Variants in PLEC observed in about 807,000 individuals in gnomAD.
The protein encoded by PLEC is hemidesmosomal protein 1.
PLEC carries 216 observed loss-of-function variants against 392.8 expected under a neutral mutation model. That is an observed-to-expected ratio of 0.55 (90% CI 0.49 to 0.62). The LOEUF is 0.62. Among genes scored for constraint, PLEC ranks in the 20% least tolerant of loss-of-function variants. The pLI is 0.00. For missense variants in PLEC, 6,863 were observed against 6,563.4 expected, an observed-to-expected ratio of 1.05 and a Z score of -1.58; for synonymous variants, 3,621 against 2,980.6, an observed-to-expected ratio of 1.21 and a Z score of -7.00.
In PLEC at chr8:143,925,320, C is replaced by T. The variant is rs1824652323; in HGVS notation, c.4609G>A (p.Ala1537Thr). 4 of 1,563,406 alleles carry T rather than the reference C, an allele frequency of 2.6e-6. No homozygotes were observed. The highest frequency in any genetic ancestry group is 3.4e-6 in the Non-Finnish European group (4 of 1,162,870). The change falls in exon 31 of 32, where the codon GCC becomes ACC. Residue 1537 changes from alanine to threonine, a missense_variant. Coordinates refer to ENST00000345136, the MANE Select transcript of PLEC (RefSeq NM_201384.3). ...AAREKQRALQ[A>T]LEELRLQAEE... Reference sequence around the variant, plus strand: ...GCCTGCAGCCGCAGCTCCTCCAGGGCCTGCAGGGCCCGCTGCTTCTCGCGC... The same window carrying T: ...GCCTGCAGCCGCAGCTCCTCCAGGGTCTGCAGGGCCCGCTGCTTCTCGCGC...
rs377361427 is a variant in PLEC, at chr8:143,933,054, C to T, written c.1476G>A (p.Leu492=). The T allele has an allele frequency of 1.9e-6, 3 of 1,593,216 alleles. No homozygotes were observed. The highest frequency in any genetic ancestry group is 2.6e-6 in the Non-Finnish European group (3 of 1,171,402). The stretch of plus-strand genomic sequence containing the variant: ...TTGCAGGGGCCGCCACGCCTGCCTT[C>T]AGCCGTAGGTTGTACTCGGTGCGGA... The part of the protein sequence containing the change: ...VAIRTEYNLR[L]KAGVAAPATQ... Residue 492 remains leucine, a synonymous_variant, in exon 14 of 32, where the codon CTG becomes CTA. Coordinates refer to ENST00000345136, the MANE Select transcript of PLEC (RefSeq NM_201384.3).
rs1000466907 is a variant in PLEC at position 143,969,238 on chromosome 8, C to T, written c.70+4165G>A. Among the ~76,000 whole-genome samples the T allele has an allele frequency of 6.6e-6, 1 of 152,204 alleles. No individual in the cohort carries two copies. Among genetic ancestry groups the T allele is most frequent in the Non-Finnish European group, 1.5e-5 (1 of 68,034 alleles). ...CAGCCCTGACAGCGTCCCGGCAAGTCGAAGAGGCCAGACCCAGGGCCAGTA... is the reference window on the plus strand; with the variant it reads ...CAGCCCTGACAGCGTCCCGGCAAGTTGAAGAGGCCAGACCCAGGGCCAGTA... On this transcript the variant is annotated intron_variant, in intron 1 of 31. Coordinates refer to the PLEC transcript ENST00000356346. The surrounding 1 kb of genome is among the most constrained non-coding windows in gnomAD (Gnocchi z 5.1).
chr8:143,920,385 G>T lies in PLEC; in HGVS notation c.9436C>A (p.Pro3146Thr), dbSNP rs1321341440. The T allele has an allele frequency of 2.6e-5, 41 of 1,591,536 alleles. No homozygotes were observed. The highest frequency in any genetic ancestry group is 3.4e-5 in the Admixed American group (2 of 58,560). Residue 3146 changes from proline (P) to threonine (T), a missense_variant, in exon 32 of 32, where the codon CCC (proline) becomes ACC (threonine). Physicochemically the swap from Pro to Thr is conservative, Grantham distance 38 (BLOSUM62 -1). Coordinates refer to ENST00000345136, the MANE Select transcript of PLEC (RefSeq NM_201384.3). ...AGGGGCACGCGGTGGCTCTTGCTGG[G>T]GTCCACGATGCCGCCCGTGGACAGC... ...AQLSTGGIVD[P>T]SKSHRVPLDV...
rs1554699481 is a variant in PLEC, at chr8:143,924,883, C to T, written c.5046G>A (p.Gln1682=). The change falls in exon 31 of 32, where the codon CAG becomes CAA. Residue 1682 remains glutamine (Q), a synonymous_variant. Transcript: ENST00000345136. Reference sequence around the variant, plus strand: ...CAGCCAGCTCCCGCTGCCGGACGGCCTGCTCCTCCGCCTTGCCGCGCCGCC... The same window carrying T: ...CAGCCAGCTCCCGCTGCCGGACGGCTTGCTCCTCCGCCTTGCCGCGCCGCC... ...EARRRGKAEE[Q]AVRQRELAEQ... 1.3e-6 allele frequency: 2 copies of T among 1,589,550 alleles called. No individual in the cohort carries two copies. Among genetic ancestry groups the T allele is most frequent in the Non-Finnish European group, 1.7e-6 (2 of 1,175,480 alleles).
chr8:143,924,549 C>T lies in PLEC; in HGVS notation c.5380G>A (p.Gly1794Ser), dbSNP rs782240621. ...KSKQRLEAEA[G>S]RFRELAEEAA... ...TCCTCGGCCAGCTCGCGGAACCGGC[C>T]GGCCTCGGCCTCCAGCCTCTGCTTG... The change falls in exon 31 of 32, where the codon GGC becomes AGC. Residue 1794 changes from glycine to serine, a missense_variant. Physicochemically the swap from Gly to Ser is moderately conservative, Grantham distance 56. Transcript: ENST00000345136. 77 of 1,542,282 alleles carry T rather than the reference C, an allele frequency of 5.0e-5. No homozygotes were observed. Among genetic ancestry groups the T allele is most frequent in the South Asian group, 2.0e-4 (17 of 85,044 alleles).
Position 143,919,950 on chromosome 8 carries a change from T to C in PLEC, c.9871A>G (p.Ile3291Val), listed in dbSNP as rs1821975161. 36 of 1,613,340 alleles carry C rather than the reference T, an allele frequency of 2.2e-5. No individual in the cohort carries two copies. Among genetic ancestry groups the C allele is most frequent in the Non-Finnish European group, 3.1e-5 (36 of 1,180,008 alleles). Residue 3291 changes from isoleucine (I) to valine (V), a missense_variant, in exon 32 of 32, where the codon ATC becomes GTC. By Grantham distance (29) the Ile-to-Val change is conservative. Transcript: ENST00000345136. ...CGCAGGGTCTCCACCTCCTCCACGA[T>C]GGTAATGAGAATCTTGATGACCTTC... ...VEKVIKILIT[I>V]VEEVETLRQE...
intron 5 of PLEC, among the ~76,000 whole-genome samples, 178 bp from the exon 6 acceptor site, chr8:143,936,192 A>T (rs1829008113): frequency 6.6e-6 from 1 of 152,026 alleles, no homozygotes; most frequent in Non-Finnish European, 1.5e-5. Flanking sequence ...AGCTGCTGGG[A>T]CTGGCCATGC....
At position 143,932,672 on chromosome 8, in the gene PLEC, C is replaced by A; in HGVS notation, c.1778G>T (p.Cys593Phe). 1 of 1,610,548 alleles carries A rather than the reference C, an allele frequency of 6.2e-7. No individual in the cohort carries two copies. The highest frequency in any genetic ancestry group is 8.5e-7 in the Non-Finnish European group (1 of 1,179,034). Residue 593 changes from cysteine (C) to phenylalanine (F), a missense_variant, in exon 15 of 32, where the codon TGC (cysteine) becomes TTC (phenylalanine). Physicochemically the swap from Cys to Phe is radical, Grantham distance 205 (BLOSUM62 -2). Transcript: ENST00000345136. Reference protein sequence around the residue: ...SPATRGAYRDCLGRLDLQYAK... With the variant: ...SPATRGAYRDFLGRLDLQYAK... Reference sequence around the variant, plus strand: ...GTACTGCAGGTCCAGCCGACCCAGGCAGTCACGGTAGGCACCCCGGGTGGC... The same window carrying A: ...GTACTGCAGGTCCAGCCGACCCAGGAAGTCACGGTAGGCACCCCGGGTGGC...
chr8:143,918,914 C>A lies in PLEC; in HGVS notation c.10907G>T (p.Gly3636Val), dbSNP rs782517278. Residue 3636 changes from glycine (G) to valine (V), a missense_variant, in exon 32 of 32, where the codon GGT (glycine) becomes GTT (valine). Physicochemically the swap from Gly to Val is moderately radical, Grantham distance 109. Transcript: ENST00000345136. ...IEKTEIIRQQ[G>V]LASYDYVRRR... ...GCGCACGTAGTCGTAGGAGGCCAGA[C>A]CCTGCTGGCGGATGATCTCTGTCTT... is the stretch of plus-strand genomic sequence containing the variant. The A allele has an allele frequency of 6.8e-6, 11 of 1,611,160 alleles. No individual in the cohort carries two copies. The South Asian group carries it at 1.2e-4, about 18-fold the overall frequency.
Position 143,918,450 on chromosome 8 carries a change from T to A in PLEC, c.11371A>T (p.Ile3791Phe). Residue 3791 changes from isoleucine to phenylalanine, a missense_variant, in exon 32 of 32, where the codon ATC becomes TTC. Coordinates refer to ENST00000345136, the MANE Select transcript of PLEC (RefSeq NM_201384.3). Reference sequence around the variant, plus strand: ...AGCCGCAGGGCCTCCTCAGTAGGGATCAGCTCCTTCTTCATGGCCTGGAAG... The same window carrying A: ...AGCCGCAGGGCCTCCTCAGTAGGGAACAGCTCCTTCTTCATGGCCTGGAAG... ...SLFQAMKKEL[I>F]PTEEALRLLD... The A allele has an allele frequency of 6.3e-7, 1 of 1,587,426 alleles. No individual in the cohort carries two copies. The highest frequency in any genetic ancestry group is 8.6e-7 in the Non-Finnish European group (1 of 1,168,918).
chr8:143,925,766 C>A lies in PLEC; in HGVS notation c.4163G>T (p.Arg1388Leu), dbSNP rs782497322. The change falls in exon 31 of 32, where the codon CGG (arginine) becomes CTG (leucine). Residue 1388 changes from arginine (R) to leucine (L), a missense_variant. Arg to Leu is a moderately radical substitution (Grantham distance 102). Coordinates refer to ENST00000345136, the MANE Select transcript of PLEC (RefSeq NM_201384.3). ...GCGCTGCTGCAGCTCCTTCGCCTCC[C>A]GCTCCGCCTGTGCCTTTGCCTGGGC... ...AHAQAKAQAE[R>L]EAKELQQRMQ... is the part of the protein sequence containing the mutation. 13 of 1,591,112 alleles carry A rather than the reference C, an allele frequency of 8.2e-6. No individual in the cohort carries two copies. Among genetic ancestry groups the A allele is most frequent in the Non-Finnish European group, 1.0e-5 (12 of 1,175,972 alleles).
chr8:143,917,290 C>T lies in PLEC; in HGVS notation c.12531G>A (p.Glu4177=). The T allele has an allele frequency of 6.2e-7, 1 of 1,609,574 alleles. No individual in the cohort carries two copies. ...TYLELSEQEC[E]WEEITISSSD... is the part of the protein sequence containing the mutation. ...AGGAGGAGATGGTGATCTCCTCCCACTCGCACTCCTGCTCGGACAGCTCCA... is the reference window on the plus strand; with the variant it reads ...AGGAGGAGATGGTGATCTCCTCCCATTCGCACTCCTGCTCGGACAGCTCCA... Residue 4177 remains glutamate (E), a synonymous_variant, in exon 32 of 32, where the codon GAG becomes GAA. Transcript: ENST00000345136.
chr8:143,955,389 G>A (rs566584752), upstream of PLEC, among the ~76,000 whole-genome samples: 24 of 152,238 alleles, frequency 1.6e-4, no homozygotes, highest in South Asian at 4.8e-3. Context: ...GCTGAGGCAC[G>A]AGAATCACTG....
In PLEC at chr8:143,923,883, C is replaced by T. The variant is rs782767415; in HGVS notation, c.6046G>A (p.Ala2016Thr). 35 of 1,594,684 alleles carry T rather than the reference C, an allele frequency of 2.2e-5. No homozygotes were observed. The highest frequency in any genetic ancestry group is 3.0e-5 in the Non-Finnish European group (35 of 1,178,006). The change falls in exon 31 of 32, where the codon GCC becomes ACC. Residue 2016 changes from alanine (A) to threonine (T), a missense_variant. Transcript: ENST00000345136. ...AALEEVERLKAKVEEARRLRE... is the reference protein window; with the variant it reads ...AALEEVERLKTKVEEARRLRE... ...AGGCGCCGCGCCTCCTCCACCTTGG[C>T]TTTCAGCCGCTCGACTTCCTCCAGC...
rs1554682720 is a variant in PLEC at position 143,920,716 on chromosome 8, C to T, written c.9105G>A (p.Gly3035=). 2 of 1,603,120 alleles carry T rather than the reference C, an allele frequency of 1.2e-6. No homozygotes were observed. The highest frequency in any genetic ancestry group is 8.5e-7 in the Non-Finnish European group (1 of 1,179,908). Residue 3035 remains glycine (G), a synonymous_variant, in exon 32 of 32, where the codon GGG becomes GGA. Transcript: ENST00000345136. ...VIAGVWLEEA[G]QKLSIYNALK... is the part of the protein sequence containing the mutation. ...GGGCATTGTAGATACTCAGCTTCTG[C>T]CCCGCCTCCTCCAGCCATACACCCG... is the stretch of plus-strand genomic sequence containing the variant.
intron 1 of PLEC, among the ~76,000 whole-genome samples, chr8:143,970,983 C>T (rs1292508297): frequency 6.6e-6 from 1 of 152,208 alleles, no homozygotes; most frequent in African/African-American, 2.4e-5. Flanking sequence ...GAGGAATCTG[C>T]CCTGGATGGG....
Position 143,921,766 on chromosome 8 carries a change from C to T in PLEC, c.8055G>A (p.Arg2685=), listed in dbSNP as rs376694504. ...GHTTVDELAR[R]EDVRHYLQGR... is the part of the protein sequence containing the mutation. Reference sequence around the variant, plus strand: ...CCTGCAGGTAGTGGCGCACGTCTTCCCGCCGTGCGAGCTCGTCCACCGTGG... The same window carrying T: ...CCTGCAGGTAGTGGCGCACGTCTTCTCGCCGTGCGAGCTCGTCCACCGTGG... The change falls in exon 32 of 32, where the codon CGG becomes CGA. Residue 2685 remains arginine, a synonymous_variant. Coordinates refer to ENST00000345136, the MANE Select transcript of PLEC (RefSeq NM_201384.3). 10 of 1,612,014 alleles carry T rather than the reference C, an allele frequency of 6.2e-6. No homozygotes were observed. The highest frequency in any genetic ancestry group is 5.9e-6 in the Non-Finnish European group (7 of 1,179,868).
chr8:143,919,157 G>C lies in PLEC; in HGVS notation c.10664C>G (p.Thr3555Arg). The part of the protein sequence containing the change: ...GAEKAEVVET[T>R]QVYTEEETRR... Reference sequence around the variant, plus strand: ...TGTCTCCTCCTCAGTGTACACCTGCGTGGTCTCCACCACCTCAGCCTTCTC... The same window carrying C: ...TGTCTCCTCCTCAGTGTACACCTGCCTGGTCTCCACCACCTCAGCCTTCTC... Residue 3555 changes from threonine (T) to arginine (R), a missense_variant, in exon 32 of 32, where the codon ACG (threonine) becomes AGG (arginine). Physicochemically the swap from Thr to Arg is moderately conservative, Grantham distance 71. Coordinates refer to ENST00000345136, the MANE Select transcript of PLEC (RefSeq NM_201384.3). The C allele has an allele frequency of 1.9e-6, 3 of 1,613,546 alleles. No individual in the cohort carries two copies. The highest frequency in any genetic ancestry group is 2.5e-6 in the Non-Finnish European group (3 of 1,180,012).
intron 1 of PLEC, among the ~76,000 whole-genome samples, chr8:143,947,381 ACAGCGCT>A (rs1203689599): frequency 1.3e-5 from 2 of 152,210 alleles, no homozygotes; most frequent in African/African-American, 4.8e-5. Context: ...TGGTGCATGG[ACAGCGCT>A]CAGCTGGCGT....
Sources: allele counts gnomAD v4.1 joint callset (sites outside exome capture counted in the v4.1 genomes callset), GRCh38; gene constraint gnomAD v4.1.1; non-coding constraint Gnocchi (gnomAD v3.1); transcripts MANE v1.5; gene names NCBI Gene and HGNC (gene_info 2026-07-23, HGNC 2026-07-21).